Variants in PRKCI observed in about 807,000 individuals in gnomAD.
PRKCI encodes protein kinase C iota type.
A neutral mutation model predicts 84.0 loss-of-function variants in PRKCI; 43 were observed. The observed-to-expected ratio is 0.51, with a 90% CI of 0.40 to 0.66. PRKCI has a LOEUF of 0.66. Among genes scored for constraint, PRKCI ranks in the 30% least tolerant of loss-of-function variants. The pLI is 0.00. For synonymous variants in PRKCI, 216 were observed against 234.4 expected (o/e 0.92, Z 0.72); for missense variants, 459 against 745.6 (o/e 0.62, Z 4.48).
At chr3:170,249,255 C>CT (rs998539203) in intron 2 of PRKCI, among the ~76,000 whole-genome samples, 8 of 151,350 alleles carry the variant, frequency 5.3e-5, no homozygotes, top group South Asian at 2.1e-4. Context: ...TTGGTTCAAT[C>CT]TTTTTTTTTG....
At position 170,268,020 on chromosome 3, in the gene PRKCI, T is replaced by A; in HGVS notation, c.450+20T>A. Reference sequence around the variant, plus strand: ...AACAGGGTAAACATAGTTTGTTGAATGTCGATAATGTGAAACAGCTATTTT... The same window carrying A: ...AACAGGGTAAACATAGTTTGTTGAAAGTCGATAATGTGAAACAGCTATTTT... On this transcript the variant is annotated intron_variant, in intron 5 of 17. Coordinates refer to ENST00000295797, the MANE Select transcript of PRKCI (RefSeq NM_002740.6). The A allele has an allele frequency of 6.4e-7, 1 of 1,572,272 alleles. No individual in the cohort carries two copies. The highest frequency in any genetic ancestry group is 8.7e-7 in the Non-Finnish European group (1 of 1,149,034).
At position 170,245,955 on chromosome 3, in the gene PRKCI, T is replaced by TTTTG. The variant is rs202212444; in HGVS notation, c.223+10607_223+10608insGTTT. ...CCCTGGATGTTATGTCTTTGTTTTT[T>TTTTG]TTTTTTTTTTTTTTTCTGACACAAA... On this transcript the variant is annotated intron_variant, in intron 2 of 17. Transcript: ENST00000295797. 2.8e-3 allele frequency among the ~76,000 whole-genome samples: 405 copies of TTTTG among 143,318 alleles called. 4 individuals carry two copies. Among genetic ancestry groups the TTTTG allele is most frequent in the African/African-American group, 9.1e-3 (347 of 38,146 alleles). The allele number at this position is 143,318 out of a possible 152,430, so 94.0% of individuals were successfully genotyped here. A position where few individuals can be genotyped will look rare whatever the true frequency, so the allele number is the denominator to read the frequency against.
At chr3:170,271,864 C>T (rs534775142) in intron 6 of PRKCI, among the ~76,000 whole-genome samples, 25 of 152,202 alleles carry the variant, frequency 1.6e-4, no homozygotes, top group Admixed American at 8.5e-4. Context: ...GACAGAGCCT[C>T]GCTCTGTCTT....
chr3:170,301,492 C>T (rs1734816894), intron 17 of PRKCI, among the ~76,000 whole-genome samples: 2 of 152,094 alleles, frequency 1.3e-5, no homozygotes, highest in African/African-American at 4.8e-5. Context: ...TGATCTCTTT[C>T]TATTGTTCTC....
At chr3:170,223,079 A>G (rs1441895801) in intron 1 of PRKCI, among the ~76,000 whole-genome samples, 1 of 152,092 alleles carries the variant, frequency 6.6e-6, no homozygotes, top group Non-Finnish European at 1.5e-5. Flanking sequence ...AGAGCTTTGT[A>G]GGGGCCTTGC....
chr3:170,272,538 TG>T (rs1256973830), intron 6 of PRKCI, among the ~76,000 whole-genome samples: 2 of 152,184 alleles, frequency 1.3e-5, no homozygotes, highest in Non-Finnish European at 2.9e-5. Context: ...TTAATATTTT[TG>T]AGTATTCTTT....
At chr3:170,250,749 T>C (rs947728822) in intron 2 of PRKCI, among the ~76,000 whole-genome samples, 1 of 152,218 alleles carries the variant, frequency 6.6e-6, no homozygotes, top group African/African-American at 2.4e-5. Context: ...ATATGGTAAC[T>C]GTTTAACCTT....
chr3:170,230,681 G>T (rs566911963), intron 1 of PRKCI, among the ~76,000 whole-genome samples: 6 of 152,022 alleles, frequency 3.9e-5, no homozygotes, highest in African/African-American at 1.4e-4. Flanking sequence ...GGTATTTTGG[G>T]GTTTAGTCAT....
intron 17 of PRKCI, among the ~76,000 whole-genome samples, chr3:170,301,976 CT>C (rs1734831511): frequency 6.6e-6 from 1 of 152,202 alleles, no homozygotes; most frequent in African/African-American, 2.4e-5. Context: ...TCAGTCTTAG[CT>C]ACTCACCATT....
intron 13 of PRKCI, among the ~76,000 whole-genome samples, chr3:170,293,040 C>CAA (rs1202831307): frequency 1.7e-4 from 11 of 66,196 alleles, no homozygotes; most frequent in East Asian, 4.0e-4. Context: ...GACCCCATCT[C>CAA]AAAAAAAAAA....
intron 2 of PRKCI, among the ~76,000 whole-genome samples, chr3:170,247,905 G>A (rs140283210): frequency 2.8e-4 from 42 of 152,160 alleles, no homozygotes; most frequent in African/African-American, 8.7e-4. Flanking sequence ...AAAAATTATG[G>A]CATCCTTGGA....
chr3:170,231,443 A>G lies in PRKCI; in HGVS notation c.102-3787A>G, dbSNP rs114749142. Among the ~76,000 whole-genome samples, 1,360 of 151,842 alleles carry G rather than the reference A, an allele frequency of 9.0e-3. 22 individuals are homozygous for G. The highest frequency in any genetic ancestry group is 0.031 in the African/African-American group (1,296 of 41,440). On this transcript the variant is annotated intron_variant, in intron 1 of 17. Transcript: ENST00000295797. ...GTAGCAATTTTGCCTCTTCTTTTCT[A>G]TATCTTATTTATTTATTTATTATTT...
At chr3:170,250,371 A>C (rs116578088) in intron 2 of PRKCI, among the ~76,000 whole-genome samples, 45 of 150,656 alleles carry the variant, frequency 3.0e-4, no homozygotes, top group African/African-American at 1.0e-3. Flanking sequence ...ATTGGTTTTT[A>C]GTATAATCAC....
chr3:170,229,759 A>G (rs1732738190), intron 1 of PRKCI, among the ~76,000 whole-genome samples: 1 of 152,196 alleles, frequency 6.6e-6, no homozygotes, highest in South Asian at 2.1e-4. Context: ...TTGTTTCCCA[A>G]AAGAGCTTAA....
At chr3:170,253,769 C>T (rs140861594) in intron 2 of PRKCI, among the ~76,000 whole-genome samples, 7,947 of 147,360 alleles carry the variant, frequency 0.054, 289 homozygotes, top group Non-Finnish European at 0.079. Flanking sequence ...CCAGCCTGGG[C>T]GACAGAGCAA....
At chr3:170,263,859 G>A (rs1226568264) in intron 4 of PRKCI, among the ~76,000 whole-genome samples, 5 of 151,922 alleles carry the variant, frequency 3.3e-5, no homozygotes, top group African/African-American at 4.8e-5. Flanking sequence ...CCATTTTTCA[G>A]TCAATTTAGA....
chr3:170,246,768 T>C (rs1370195547), intron 2 of PRKCI, among the ~76,000 whole-genome samples: 1 of 152,202 alleles, frequency 6.6e-6, no homozygotes, highest in Non-Finnish European at 1.5e-5. Flanking sequence ...TCCTTCTGTT[T>C]CCAGAACTTT....
At chr3:170,231,632 T>A (rs1294996157) in intron 1 of PRKCI, among the ~76,000 whole-genome samples, 1 of 151,974 alleles carries the variant, frequency 6.6e-6, no homozygotes, top group Non-Finnish European at 1.5e-5. Context: ...ACCTGGCTAA[T>A]TTTTGTAGTT....
At chr3:170,271,268 G>A (rs982371175) in intron 6 of PRKCI, among the ~76,000 whole-genome samples, 7 of 152,094 alleles carry the variant, frequency 4.6e-5, no homozygotes, top group African/African-American at 1.7e-4. Flanking sequence ...AGCTCCAACA[G>A]TTATCAACTC....
Sources: gnomAD v4.1 joint callset for allele counts (sites outside exome capture counted in the v4.1 genomes callset) on GRCh38, gnomAD v4.1.1 for gene constraint, MANE v1.5 for transcripts, NCBI Gene and HGNC (gene_info 2026-07-23, HGNC 2026-07-21) for gene names.